Variants in PARVB observed in about 807,000 individuals in gnomAD.
The protein encoded by PARVB is parvin beta.
PARVB carries 46 observed loss-of-function variants against 47.0 expected under a neutral mutation model. The observed-to-expected ratio is 0.98, with a 90% CI of 0.77 to 1.25. The LOEUF is 1.25. PARVB is among the 50% of genes most tolerant of loss of function. The pLI, the probability that PARVB is intolerant of heterozygous loss-of-function variation, is 0.00. For missense variants in PARVB, 473 were observed against 471.6 expected (o/e 1.00, Z -0.03); for synonymous variants, 196 against 196.3 (o/e 1.00, Z 0.01).
At chr22:44,082,169 G>A (rs567338664) in intron 1 of PARVB, among the ~76,000 whole-genome samples, 3 of 152,332 alleles carry the variant, frequency 2.0e-5, no homozygotes, top group Admixed American at 2.0e-4. Context: ...ACCGCAAGGT[G>A]GGGGCACTGG....
intron 12 of PARVB, among the ~76,000 whole-genome samples, chr22:44,165,559 C>A (rs2054149021): frequency 6.6e-6 from 1 of 152,250 alleles, no homozygotes; most frequent in South Asian, 2.1e-4. Context: ...GCTGCTTTGC[C>A]TCTCCCCAGC....
intron 4 of PARVB, among the ~76,000 whole-genome samples, chr22:44,129,977 A>G (rs1021408151): frequency 7.2e-5 from 11 of 152,188 alleles, no homozygotes; most frequent in African/African-American, 2.2e-4. Flanking sequence ...CTAGAATTTT[A>G]TTATCTTGAA....
At chr22:44,055,678 C>CTCTCTATA (rs1438284048) in intron 1 of PARVB, among the ~76,000 whole-genome samples, 55 of 142,756 alleles carry the variant, frequency 3.9e-4, no homozygotes, top group Admixed American at 1.2e-3. Context: ...CTCTCTCTCT[C>CTCTCTATA]TATATATATA....
intron 3 of PARVB, chr22:44,105,343 G>A (rs530654743): frequency 1.8e-4 from 28 of 152,368 alleles, no homozygotes; most frequent in African/African-American, 6.5e-4. Context: ...GAGGTCACAG[G>A]CCCAACCTCT....
chr22:44,041,359 A>G (rs2051016013), intron 1 of PARVB, among the ~76,000 whole-genome samples: 1 of 152,002 alleles, frequency 6.6e-6, no homozygotes, highest in Non-Finnish European at 1.5e-5. Flanking sequence ...GAGCACAGTG[A>G]CATATGCCTG....
At chr22:44,072,590 G>T (rs374320717) in intron 1 of PARVB, among the ~76,000 whole-genome samples, 1 of 152,116 alleles carries the variant, frequency 6.6e-6, no homozygotes, top group East Asian at 1.9e-4. Flanking sequence ...ACAAGTGCAT[G>T]CCATCATGCC....
chr22:44,170,352 A>G lies in PARVB; in HGVS notation c.*1674A>G, dbSNP rs2054254819. ...GGTCCTATTGGATTAGGGCCCACTT[A>G]TATGACCTCATTTAATCTTGATTAC... On this transcript the variant is annotated 3_prime_UTR_variant, in exon 13 of 13. Coordinates refer to ENST00000338758, the MANE Select transcript of PARVB (RefSeq NM_013327.5). 1 of 152,104 alleles carries G rather than the reference A, an allele frequency of 6.6e-6. No homozygotes were observed. Among genetic ancestry groups the G allele is most frequent in the Non-Finnish European group, 1.5e-5 (1 of 68,012 alleles). 9.4% of individuals were successfully genotyped at this position (152,104 alleles called of 1,614,324 possible). A position where few individuals can be genotyped will look rare whatever the true frequency, so the allele number is the denominator to read the frequency against.
intron 1 of PARVB, among the ~76,000 whole-genome samples, chr22:44,028,338 G>GT (rs144302035): frequency 2.4e-4 from 36 of 151,294 alleles, no homozygotes; most frequent in South Asian, 1.0e-3. Context: ...TTTTGTTTTT[G>GT]TTTTTTTTAC....
intron 4 of PARVB, among the ~76,000 whole-genome samples, chr22:44,126,013 G>A (rs1397017767): frequency 6.6e-6 from 1 of 152,118 alleles, no homozygotes; most frequent in African/African-American, 2.4e-5. Flanking sequence ...GCCGTTGGGA[G>A]TAGGGTGGGA....
chr22:44,001,819 A>G (rs1365579098), intron 2 of PARVB, among the ~76,000 whole-genome samples: 1 of 152,232 alleles, frequency 6.6e-6, no homozygotes, highest in Non-Finnish European at 1.5e-5. Flanking sequence ...GGGAAAAACA[A>G]TGTTCCATGA....
chr22:44,067,635 C>T (rs191500765), intron 1 of PARVB, among the ~76,000 whole-genome samples: 2 of 152,384 alleles, frequency 1.3e-5, no homozygotes, highest in Non-Finnish European at 2.9e-5. Flanking sequence ...GTCGAGGCAT[C>T]TCCTGGGCCA....
chr22:44,117,972 A>G (rs2052949058), intron 3 of PARVB, among the ~76,000 whole-genome samples: 1 of 152,216 alleles, frequency 6.6e-6, no homozygotes, highest in African/African-American at 2.4e-5. Flanking sequence ...TTCCATAGGT[A>G]CTTTCATAAT....
intron 4 of PARVB, among the ~76,000 whole-genome samples, chr22:44,123,847 A>C (rs1371524111): frequency 6.6e-6 from 1 of 152,196 alleles, no homozygotes; most frequent in Non-Finnish European, 1.5e-5. Flanking sequence ...GCTCCTTTTC[A>C]TGTCTGTCCA....
chr22:44,164,843 T>C (rs1211689316), intron 12 of PARVB, among the ~76,000 whole-genome samples: 1 of 152,118 alleles, frequency 6.6e-6, no homozygotes, highest in Non-Finnish European at 1.5e-5. Flanking sequence ...AGCTAGAAAA[T>C]GGATCCTGTC....
At chr22:43,999,291 C>T (rs763374201) in exon 1 of PARVB, 1 of 1,404,230 alleles carries the variant, frequency 7.1e-7, no homozygotes, top group Non-Finnish European at 9.7e-7. Context: ...TGAATTCTCC[C>T]TTTTTAAAGA....
intron 4 of PARVB, chr22:44,119,638 T>C (rs573932613): frequency 2.4e-5 from 10 of 416,654 alleles, no homozygotes; most frequent in Non-Finnish European, 5.0e-5. Flanking sequence ...CATGGTTTGA[T>C]GTGCAGACAA....
At position 44,161,278 on chromosome 22, in the gene PARVB, C is replaced by A. The variant is rs1391233395; in HGVS notation, c.946-2580C>A. ...TCTACGTTTCAGTCCTGGTTCCATG[C>A]CTGTGAGCCCCGTGCCTTGTTTTTC... On this transcript the variant is annotated intron_variant, in intron 11 of 12. Transcript: ENST00000338758. Among the ~76,000 whole-genome samples, 6 of 150,124 alleles carry A rather than the reference C, an allele frequency of 4.0e-5. 1 individual carries two copies. Among genetic ancestry groups the A allele is most frequent in the Non-Finnish European group, 7.4e-5 (5 of 67,812 alleles).
intron 4 of PARVB, among the ~76,000 whole-genome samples, chr22:44,129,716 T>A (rs1389340642): frequency 6.6e-6 from 1 of 152,222 alleles, no homozygotes; most frequent in Non-Finnish European, 1.5e-5. Context: ...GGAAATCAGA[T>A]GAATAAGCGG....
intron 1 of PARVB, among the ~76,000 whole-genome samples, chr22:44,027,549 C>G (rs1016456009): frequency 5.9e-5 from 9 of 152,202 alleles, no homozygotes; most frequent in African/African-American, 2.2e-4. Context: ...GGTTCTGTCC[C>G]TCTTTTCTGA....
Sources: gnomAD v4.1 joint callset for allele counts (sites outside exome capture counted in the v4.1 genomes callset) on GRCh38, gnomAD v4.1.1 for gene constraint, MANE v1.5 for transcripts, NCBI Gene and HGNC (gene_info 2026-07-23, HGNC 2026-07-21) for gene names.